CCSER1: variants seen among roughly 807,000 people sequenced by gnomAD.
CCSER1 encodes serine-rich coiled-coil domain-containing protein 1.
In CCSER1, 41 loss-of-function variants were observed where a neutral mutation model predicts 82.0. The observed-to-expected ratio is 0.50, with a 90% CI of 0.39 to 0.65. The LOEUF (loss-of-function observed/expected upper bound fraction) is 0.65, where lower values mean the gene tolerates loss of function less well. Among genes scored for constraint, CCSER1 ranks in the 30% least tolerant of loss-of-function variants. The probability of loss-of-function intolerance (pLI) is 0.00; values close to 1 mark genes in which losing one functional copy is unlikely to be tolerated. For missense variants in CCSER1, 1,119 were observed against 1,064.2 expected, an observed-to-expected ratio of 1.05 and a Z score of -0.72; for synonymous variants, 414 against 383.9, an observed-to-expected ratio of 1.08 and a Z score of -0.92.
intron 1 of CCSER1, among the ~76,000 whole-genome samples, chr4:90,182,341 A>T (rs934977275): frequency 2.0e-5 from 3 of 152,138 alleles, no homozygotes; most frequent in Non-Finnish European, 4.4e-5. Flanking sequence ...TATGATTATG[A>T]TGAATGGAAT....
intron 9 of CCSER1, among the ~76,000 whole-genome samples, chr4:91,031,933 A>G (rs1741017191): frequency 6.6e-6 from 1 of 152,046 alleles, no homozygotes; most frequent in Non-Finnish European, 1.5e-5. Flanking sequence ...ATATTTCCTA[A>G]TGTTTTTTAA....
intron 8 of CCSER1, among the ~76,000 whole-genome samples, chr4:90,845,943 A>G (rs1763190109): frequency 6.6e-6 from 1 of 151,644 alleles, no homozygotes; most frequent in Non-Finnish European, 1.5e-5. Flanking sequence ...CATTAGTGTC[A>G]TAGTGCTGTG....
chr4:90,389,541 T>TG (rs1432609573), intron 3 of CCSER1, among the ~76,000 whole-genome samples: 1 of 152,232 alleles, frequency 6.6e-6, no homozygotes, highest in African/African-American at 2.4e-5. Flanking sequence ...TATCATTTAG[T>TG]GACATCATAA....
chr4:90,269,078 A>G (rs527312811), intron 1 of CCSER1, among the ~76,000 whole-genome samples: 1 of 152,234 alleles, frequency 6.6e-6, no homozygotes, highest in Admixed American at 6.5e-5. Flanking sequence ...AGAGAGGTAG[A>G]TCAATACAAT....
At chr4:90,373,732 A>T (rs949909077) in intron 3 of CCSER1, among the ~76,000 whole-genome samples, 3 of 152,176 alleles carry the variant, frequency 2.0e-5, no homozygotes, top group African/African-American at 7.2e-5. Context: ...ATGTGTTGTG[A>T]GTAAACTTGC....
chr4:90,800,992 A>C (rs1756730714), intron 7 of CCSER1, among the ~76,000 whole-genome samples: 1 of 152,186 alleles, frequency 6.6e-6, no homozygotes. Flanking sequence ...GAAAAAAATC[A>C]GTAAGATGGG....
At chr4:90,721,411 T>A (rs1233181138) in intron 6 of CCSER1, among the ~76,000 whole-genome samples, 1 of 151,860 alleles carries the variant, frequency 6.6e-6, no homozygotes, top group African/African-American at 2.4e-5. Context: ...TCTGTTGAGA[T>A]ATTTGCTGCT....
intron 9 of CCSER1, among the ~76,000 whole-genome samples, chr4:90,931,789 G>T (rs1219840530): frequency 6.6e-6 from 1 of 152,100 alleles, no homozygotes; most frequent in East Asian, 1.9e-4. Flanking sequence ...TGTGGTCTTT[G>T]TCCATCAAAA....
At chr4:90,566,524 A>G (rs1212396135) in intron 5 of CCSER1, among the ~76,000 whole-genome samples, 2 of 149,764 alleles carry the variant, frequency 1.3e-5, no homozygotes, top group Non-Finnish European at 3.0e-5. Flanking sequence ...TAGTTACTGT[A>G]TCTTACTGTA....
At chr4:90,328,882 A>G (rs1738723092) in intron 3 of CCSER1, among the ~76,000 whole-genome samples, 1 of 152,244 alleles carries the variant, frequency 6.6e-6, no homozygotes, top group African/African-American at 2.4e-5. Context: ...AGAAAAAACG[A>G]AAATCTATAA....
intron 10 of CCSER1, among the ~76,000 whole-genome samples, chr4:91,182,114 G>A (rs71597234): frequency 5.9e-5 from 9 of 152,214 alleles, no homozygotes; most frequent in Admixed American, 3.9e-4. Context: ...GGCTGTGTTC[G>A]ATGGGTGTTG....
intron 10 of CCSER1, among the ~76,000 whole-genome samples, chr4:91,311,161 G>T (rs1290057718): frequency 6.6e-6 from 1 of 151,786 alleles, no homozygotes; most frequent in Non-Finnish European, 1.5e-5. Flanking sequence ...TTAAAATCTT[G>T]TCTTAAGCAT....
rs150408595 is a variant in CCSER1, at chr4:91,399,369, C to T, written c.2218-199203C>T. 2.2e-3 allele frequency among the ~76,000 whole-genome samples: 327 copies of T among 151,730 alleles called. 1 individual carries two copies. The highest frequency in any genetic ancestry group is 0.012 in the South Asian group (57 of 4,814). On this transcript the variant is annotated intron_variant, in intron 10 of 10. Transcript: ENST00000509176. ...AAAGAAGTTTATCTGTTTTATGTGCCAAGGTGTCCTAATGGAGGGAAAAAC... is the reference window on the plus strand; with the variant it reads ...AAAGAAGTTTATCTGTTTTATGTGCTAAGGTGTCCTAATGGAGGGAAAAAC...
At chr4:90,885,950 G>C (rs1473949302) in intron 8 of CCSER1, among the ~76,000 whole-genome samples, 1 of 151,746 alleles carries the variant, frequency 6.6e-6, no homozygotes, top group African/African-American at 2.4e-5. Flanking sequence ...TCTGCATCTT[G>C]GTGTCAGTTC....
chr4:91,230,064 T>G (rs1738504523), intron 10 of CCSER1, among the ~76,000 whole-genome samples: 1 of 151,888 alleles, frequency 6.6e-6, no homozygotes, highest in African/African-American at 2.4e-5. Flanking sequence ...CAGATAAGAG[T>G]TTTTGAACAT....
chr4:90,384,685 C>G (rs1749740792), intron 3 of CCSER1, among the ~76,000 whole-genome samples: 2 of 152,090 alleles, frequency 1.3e-5, no homozygotes, highest in Non-Finnish European at 2.9e-5. Context: ...TCCAGTCATC[C>G]AAGGCTTCTC....
At chr4:91,508,185 T>C (rs1405084312) in intron 10 of CCSER1, among the ~76,000 whole-genome samples, 1 of 126,218 alleles carries the variant, frequency 7.9e-6, no homozygotes, top group Non-Finnish European at 1.7e-5. Flanking sequence ...TTTTTCCTGA[T>C]CTTGGAAGAA....
At chr4:90,911,920 C>T (rs534913788) in intron 8 of CCSER1, among the ~76,000 whole-genome samples, 10 of 152,186 alleles carry the variant, frequency 6.6e-5, no homozygotes, top group South Asian at 6.2e-4. Context: ...AAGGCAGCAG[C>T]GAGGCTGGGG....
intron 1 of CCSER1, among the ~76,000 whole-genome samples, chr4:90,153,645 A>T (rs1282163363): frequency 4.6e-5 from 7 of 152,120 alleles, no homozygotes; most frequent in Non-Finnish European, 8.8e-5. Context: ...AGTGATGGTG[A>T]GCATTTTTTC....
Sources: allele counts gnomAD v4.1 joint callset (sites outside exome capture counted in the v4.1 genomes callset), GRCh38; gene constraint gnomAD v4.1.1; transcripts MANE v1.5; gene names NCBI Gene and HGNC (gene_info 2026-07-23, HGNC 2026-07-21).